Variants in SIPA1L2 observed in about 807,000 individuals in gnomAD.
SIPA1L2 encodes signal induced proliferation associated 1 like 2, also known as signal-induced proliferation-associated 1-like protein 2.
SIPA1L2 carries 56 observed loss-of-function variants against 163.9 expected under a neutral mutation model. The observed-to-expected ratio is 0.34, with a 90% CI of 0.28 to 0.43. The LOEUF is 0.43. SIPA1L2 is among the 20% of genes least tolerant of loss of function. SIPA1L2 has a pLI of 1.00. For missense variants in SIPA1L2, 1,974 were observed against 2,193.5 expected, an observed-to-expected ratio of 0.90 and a Z score of 2.00; for synonymous variants, 877 against 865.7, an observed-to-expected ratio of 1.01 and a Z score of -0.23.
intron 1 of SIPA1L2, among the ~76,000 whole-genome samples, chr1:232,620,159 G>A (rs991065687): frequency 1.3e-5 from 2 of 152,110 alleles, no homozygotes; most frequent in Admixed American, 6.5e-5. Context: ...CTGGGATTAT[G>A]GGCATGAGCC....
intron 21 of SIPA1L2, 119 bp from the exon 22 acceptor site, chr1:232,402,592 A>C: frequency 2.7e-6 from 2 of 743,616 alleles, no homozygotes; most frequent in Non-Finnish European, 4.2e-6. Flanking sequence ...CAGATATATT[A>C]TATTATGTCA....
At chr1:232,442,552 G>GAAA (rs59025710) in intron 12 of SIPA1L2, among the ~76,000 whole-genome samples, 1 of 74,730 alleles carries the variant, frequency 1.3e-5, no homozygotes, top group African/African-American at 4.9e-5. Context: ...CATCTCAAAA[G>GAAA]AAAAAAAAAA....
At chr1:232,532,879 C>T (rs886456826) in intron 2 of SIPA1L2, among the ~76,000 whole-genome samples, 7 of 152,178 alleles carry the variant, frequency 4.6e-5, no homozygotes, top group Non-Finnish European at 2.9e-5. Context: ...AGGAGAAACG[C>T]TAAAGAGAAC....
intron 3 of SIPA1L2, among the ~76,000 whole-genome samples, chr1:232,500,741 G>C (rs759327279): frequency 6.6e-6 from 1 of 152,226 alleles, no homozygotes; most frequent in Non-Finnish European, 1.5e-5. Context: ...TAACAACAAA[G>C]AATTTAGAAT....
At chr1:232,462,266 A>G (rs1396164402) in intron 9 of SIPA1L2, 7 of 1,550,710 alleles carry the variant, frequency 4.5e-6, no homozygotes, top group Non-Finnish European at 6.1e-6. Flanking sequence ...GACCTCACCT[A>G]TCTGTGGGAA....
chr1:232,593,929 C>G (rs1661100903), intron 1 of SIPA1L2, among the ~76,000 whole-genome samples: 1 of 152,232 alleles, frequency 6.6e-6, no homozygotes, highest in African/African-American at 2.4e-5. Context: ...GGCCCAGCCT[C>G]AAAGCCACAA....
At chr1:232,442,016 G>A (rs1427160432) in intron 12 of SIPA1L2, 148 bp from the exon 13 acceptor site, 1 of 639,810 alleles carries the variant, frequency 1.6e-6, no homozygotes, top group Admixed American at 2.8e-5. Context: ...CAAATTGTCA[G>A]CTCAGCCCCG....
At chr1:232,449,442 CAA>C (rs370877847) in intron 10 of SIPA1L2, among the ~76,000 whole-genome samples, 7 of 149,338 alleles carry the variant, frequency 4.7e-5, no homozygotes, top group African/African-American at 9.9e-5. Flanking sequence ...GGCGTGAACC[CAA>C]GAGGCGGAGC....
intron 10 of SIPA1L2, among the ~76,000 whole-genome samples, chr1:232,454,874 C>T (rs967410492): frequency 2.0e-5 from 3 of 152,088 alleles, no homozygotes; most frequent in Non-Finnish European, 2.9e-5. Context: ...TTTTAAATAG[C>T]CAAAATATGA....
intron 10 of SIPA1L2, 98 bp downstream of exon 10, chr1:232,460,789 G>C: frequency 7.1e-7 from 1 of 1,416,326 alleles, no homozygotes; most frequent in Non-Finnish European, 9.5e-7. Flanking sequence ...AGACACACTT[G>C]ACTGCATTTT....
chr1:232,426,573 T>C (rs749620520), intron 17 of SIPA1L2, among the ~76,000 whole-genome samples: 1 of 152,032 alleles, frequency 6.6e-6, no homozygotes, highest in Non-Finnish European at 1.5e-5. Context: ...GGCAGGAGAA[T>C]GGCATGAACC....
intron 10 of SIPA1L2, among the ~76,000 whole-genome samples, chr1:232,455,763 T>A (rs1412165987): frequency 1.4e-5 from 2 of 146,848 alleles, no homozygotes; most frequent in Non-Finnish European, 3.0e-5. Flanking sequence ...TGGAATACTA[T>A]ACAGCCATAA....
chr1:232,507,444 G>A (rs1186028989), intron 3 of SIPA1L2, among the ~76,000 whole-genome samples: 1 of 152,126 alleles, frequency 6.6e-6, no homozygotes, highest in African/African-American at 2.4e-5. Context: ...AAAATTATTT[G>A]TCCCTGTCTT....
At chr1:232,525,484 G>A (rs1370276737) in intron 2 of SIPA1L2, among the ~76,000 whole-genome samples, 1 of 147,476 alleles carries the variant, frequency 6.8e-6, no homozygotes, top group African/African-American at 2.5e-5. Context: ...TGGAACTTCT[G>A]ACCTCAGGCA....
At chr1:232,541,857 A>T (rs1176329346) in intron 2 of SIPA1L2, among the ~76,000 whole-genome samples, 4 of 38,608 alleles carry the variant, frequency 1.0e-4, no homozygotes, top group African/African-American at 7.3e-4. Flanking sequence ...ACAGATTTAA[A>T]AAAAAAAAAA....
intron 15 of SIPA1L2, among the ~76,000 whole-genome samples, chr1:232,438,835 T>C (rs912324590): frequency 2.6e-5 from 4 of 151,834 alleles, no homozygotes; most frequent in Non-Finnish European, 5.9e-5. Flanking sequence ...GAGACATAAG[T>C]GGCCTGACTA....
At chr1:232,479,210 A>G (rs1665195743) in intron 7 of SIPA1L2, among the ~76,000 whole-genome samples, 1 of 152,216 alleles carries the variant, frequency 6.6e-6, no homozygotes, top group African/African-American at 2.4e-5. Flanking sequence ...AAATCCATTT[A>G]AAACAACAAA....
At chr1:232,455,629 C>T (rs560791050) in intron 10 of SIPA1L2, among the ~76,000 whole-genome samples, 1 of 143,128 alleles carries the variant, frequency 7.0e-6, no homozygotes, top group African/African-American at 2.7e-5. Flanking sequence ...TGCAGCGAGG[C>T]GGAGCTTGCA....
chr1:232,408,921 T>TA (rs1387209009), intron 19 of SIPA1L2, among the ~76,000 whole-genome samples: 1 of 152,188 alleles, frequency 6.6e-6, no homozygotes, highest in Non-Finnish European at 1.5e-5. Context: ...ACTCCATAAT[T>TA]AAAGCATAAT....
Sources: gnomAD v4.1 joint callset for allele counts (sites outside exome capture counted in the v4.1 genomes callset) on GRCh38, gnomAD v4.1.1 for gene constraint, MANE v1.5 for transcripts, NCBI Gene and HGNC (gene_info 2026-07-23, HGNC 2026-07-21) for gene names.